The following LGR4 variants were observed in gnomAD, a reference collection of about 807,000 sequenced individuals.
LGR4 encodes the protein leucine-rich repeat-containing G protein-coupled receptor 4.
LGR4 carries 44 observed loss-of-function variants against 84.8 expected under a neutral mutation model. The observed-to-expected ratio is 0.52, with a 90% CI of 0.41 to 0.67. The LOEUF is 0.67. Ranked by LOEUF, LGR4 falls within the 30% of genes least tolerant of loss-of-function variation. The pLI, the probability that LGR4 is intolerant of heterozygous loss-of-function variation, is 0.00. For synonymous variants in LGR4, 429 were observed against 434.3 expected, an observed-to-expected ratio of 0.99 and a Z score of 0.15; for missense variants, 1,032 against 1,131.4, an observed-to-expected ratio of 0.91 and a Z score of 1.26.
intron 1 of LGR4, among the ~76,000 whole-genome samples, chr11:27,430,687 G>GACA (rs1196497004): frequency 6.6e-6 from 1 of 151,974 alleles, no homozygotes; most frequent in African/African-American, 2.4e-5. Context: ...CCGGGACCAC[G>GACA]ACAGTAGCCT....
rs1252250185 is a variant in LGR4, at chr11:27,369,113, C to G, written c.1610G>C (p.Gly537Ala). Residue 537 changes from glycine (G) to alanine (A), a missense_variant, in exon 18 of 18, where the codon GGA (glycine) becomes GCA (alanine). Transcript: ENST00000379214. ...CACAGTAAGACGAATCATCCAGCTT[C>G]CCAGTAAATATTCACAGGGCTTAAA... Reference protein sequence around the residue: ...GAFKPCEYLLGSWMIRLTVWF... With the variant: ...GAFKPCEYLLASWMIRLTVWF... 6.2e-7 allele frequency: 1 copy of G among 1,609,124 alleles called. No homozygotes were observed.
At chr11:27,390,944 C>G in intron 4 of LGR4, 150 bp downstream of exon 4, 1 of 532,668 alleles carries the variant, frequency 1.9e-6, no homozygotes, top group African/African-American at 2.0e-5. Flanking sequence ...TCTCCCTCAC[C>G]AAAGGACGTT....
chr11:27,414,171 G>C (rs1450790836), intron 1 of LGR4, among the ~76,000 whole-genome samples: 1 of 152,072 alleles, frequency 6.6e-6, no homozygotes, highest in Non-Finnish European at 1.5e-5. Flanking sequence ...TCAATAAGCA[G>C]TGTAACAGAA....
At chr11:27,376,400 G>T (rs879143039) in intron 12 of LGR4, 30 bp from the exon 13 acceptor site, 3 of 1,206,698 alleles carry the variant, frequency 2.5e-6, no homozygotes, top group South Asian at 2.8e-5. Context: ...GAAAGAAGAC[G>T]AAGACAAAGA....
At chr11:27,434,706 A>C (rs186695681) in intron 1 of LGR4, among the ~76,000 whole-genome samples, 1 of 152,192 alleles carries the variant, frequency 6.6e-6, no homozygotes, top group Admixed American at 6.5e-5. Flanking sequence ...ACCTTAAATC[A>C]ATACAATGCC....
Position 27,368,227 on chromosome 11 carries a change from G to A in LGR4, c.2496C>T (p.Ser832=). The change falls in exon 18 of 18, where the codon AGC becomes AGT. Residue 832 remains serine, a synonymous_variant. Coordinates refer to ENST00000379214, the MANE Select transcript of LGR4 (RefSeq NM_018490.5). ...KSGSVSVSIS[S]QGGCLEQDFY... ...AATCCTGTTCCAGACAACCACCTTG[G>A]CTACTGATGGAAACTGAAACTGATC... The A allele has an allele frequency of 5.0e-6, 8 of 1,614,196 alleles. No homozygotes were observed. The highest frequency in any genetic ancestry group is 6.8e-6 in the Non-Finnish European group (8 of 1,180,034).
chr11:27,404,842 C>T (rs1015636100), intron 2 of LGR4, among the ~76,000 whole-genome samples: 3 of 152,070 alleles, frequency 2.0e-5, no homozygotes, highest in African/African-American at 4.8e-5. Context: ...AGAATGAAGC[C>T]AGAACACAAA....
intron 9 of LGR4, 30 bp from the exon 10 acceptor site, chr11:27,380,369 T>A (rs1863069591): frequency 6.5e-7 from 1 of 1,533,162 alleles, no homozygotes; most frequent in Non-Finnish European, 9.0e-7. Flanking sequence ...ACAAGGTAAT[T>A]TTTAAATTTT....
intron 1 of LGR4, among the ~76,000 whole-genome samples, chr11:27,439,304 T>C (rs969583456): frequency 1.3e-5 from 2 of 152,230 alleles, no homozygotes; most frequent in Admixed American, 6.5e-5. Flanking sequence ...CCTATATGAA[T>C]GGAATTATAC....
chr11:27,380,212 C>T, intron 10 of LGR4, 59 bp downstream of exon 10: 2 of 1,089,160 alleles, frequency 1.8e-6, no homozygotes, highest in Non-Finnish European at 2.7e-6. Flanking sequence ...CCCTGGCACC[C>T]TGCTAGCAGT....
At chr11:27,461,918 C>G (rs1393728852) in intron 1 of LGR4, among the ~76,000 whole-genome samples, 1 of 150,786 alleles carries the variant, frequency 6.6e-6, no homozygotes, top group Non-Finnish European at 1.5e-5. Context: ...CAACCTCCCC[C>G]TCCCGGATTC....
At chr11:27,432,137 A>G (rs1160989837) in intron 1 of LGR4, among the ~76,000 whole-genome samples, 2 of 151,908 alleles carry the variant, frequency 1.3e-5, no homozygotes, top group African/African-American at 4.8e-5. Context: ...GGCAAGGAAT[A>G]AAAAGGCATT....
intron 2 of LGR4, among the ~76,000 whole-genome samples, chr11:27,403,540 A>G (rs552691191): frequency 1.3e-5 from 2 of 152,372 alleles, no homozygotes; most frequent in South Asian, 4.1e-4. Context: ...ATAAAGCACT[A>G]TGCATTTATT....
chr11:27,440,340 A>G (rs1379395036), intron 1 of LGR4, among the ~76,000 whole-genome samples: 1 of 152,106 alleles, frequency 6.6e-6, no homozygotes, highest in East Asian at 1.9e-4. Flanking sequence ...GCCAACCCAG[A>G]CCGCAGTCTG....
At chr11:27,399,749 C>T (rs1863462983) in intron 2 of LGR4, among the ~76,000 whole-genome samples, 1 of 152,120 alleles carries the variant, frequency 6.6e-6, no homozygotes, top group African/African-American at 2.4e-5. Flanking sequence ...AAACTCCTGA[C>T]CTCAGGTGAT....
rs535044823 is a variant in LGR4 at position 27,440,323 on chromosome 11, C to T, written c.186-27463G>A. On this transcript the variant is annotated intron_variant, in intron 1 of 17. Transcript: ENST00000379214. Reference sequence around the variant, plus strand: ...CAGATGGACCCTTCTCCAAACCAATCCTGAAAGCCAACCCAGACCGCAGTC... The same window carrying T: ...CAGATGGACCCTTCTCCAAACCAATTCTGAAAGCCAACCCAGACCGCAGTC... Among the ~76,000 whole-genome samples, 54 of 152,246 alleles carry T rather than the reference C, an allele frequency of 3.5e-4. 1 individual carries two copies. The South Asian group carries it at 0.011, about 32-fold the overall frequency.
At chr11:27,465,013 G>T (rs1024022566) in intron 1 of LGR4, among the ~76,000 whole-genome samples, 1 of 152,106 alleles carries the variant, frequency 6.6e-6, no homozygotes, top group African/African-American at 2.4e-5. Context: ...TTAAATATAA[G>T]GAATAAAGAA....
At chr11:27,412,319 G>C (rs1310887675) in intron 2 of LGR4, among the ~76,000 whole-genome samples, 1 of 152,132 alleles carries the variant, frequency 6.6e-6, no homozygotes, top group Admixed American at 6.6e-5. Context: ...CATTTCCAAA[G>C]GTCATCTGCA....
At position 27,368,863 on chromosome 11, in the gene LGR4, T is replaced by G; in HGVS notation, c.1860A>C (p.Val620=). Residue 620 remains valine, a synonymous_variant, in exon 18 of 18, where the codon GTA becomes GTC. Transcript: ENST00000379214. ...AGGAGAAAACTGCAAGAAACCCAGC[T>G]ACTTTGCAGCCACTGCCAGTTTCCC... ...IWWETGSGCK[V]AGFLAVFSSE... The G allele has an allele frequency of 6.2e-7, 1 of 1,614,190 alleles. No homozygotes were observed. Among genetic ancestry groups the G allele is most frequent in the Non-Finnish European group, 8.5e-7 (1 of 1,180,038 alleles).
Sources: gnomAD v4.1 joint callset for allele counts (sites outside exome capture counted in the v4.1 genomes callset) on GRCh38, gnomAD v4.1.1 for gene constraint, MANE v1.5 for transcripts, NCBI Gene and HGNC (gene_info 2026-07-23, HGNC 2026-07-21) for gene names.